The following COL27A1 variants were observed in gnomAD, a reference collection of about 807,000 sequenced individuals.
The protein encoded by COL27A1 is collagen alpha-1(XXVII) chain.
COL27A1 carries 106 observed loss-of-function variants against 251.3 expected under a neutral mutation model. That is an observed-to-expected ratio of 0.42 (90% confidence interval 0.36 to 0.50). The LOEUF (loss-of-function observed/expected upper bound fraction) is 0.50, where lower values mean the gene tolerates loss of function less well. COL27A1 is among the 20% of genes least tolerant of loss of function. COL27A1 has a pLI of 0.00. For missense variants in COL27A1, 2,325 were observed against 2,522.8 expected (o/e 0.92, Z 1.68); for synonymous variants, 1,000 against 986.3 (o/e 1.01, Z -0.26).
chr9:114,282,058 G>A (rs780130202), intron 37 of COL27A1, among the ~76,000 whole-genome samples: 1 of 152,254 alleles, frequency 6.6e-6, no homozygotes, highest in African/African-American at 2.4e-5. Context: ...TCGCCAGGTC[G>A]AATCCCTAAG....
At chr9:114,203,880 G>A (rs1189239598) in intron 7 of COL27A1, among the ~76,000 whole-genome samples, 1 of 152,138 alleles carries the variant, frequency 6.6e-6, no homozygotes, top group Non-Finnish European at 1.5e-5. Flanking sequence ...TGTTAGCAAT[G>A]GGACTCAGAG....
intron 25 of COL27A1, among the ~76,000 whole-genome samples, chr9:114,252,112 G>A (rs1262304017): frequency 2.0e-5 from 3 of 152,230 alleles, no homozygotes; most frequent in African/African-American, 7.2e-5. Context: ...TCTGCCCAGT[G>A]TGTCTGGATT....
At chr9:114,180,657 G>A (rs1007586041) in intron 4 of COL27A1, among the ~76,000 whole-genome samples, 1 of 152,148 alleles carries the variant, frequency 6.6e-6, no homozygotes, top group African/African-American at 2.4e-5. Context: ...GTCGCCCAAA[G>A]CTCTCTGTCT....
At chr9:114,281,920 G>C (rs1250435962) in intron 37 of COL27A1, among the ~76,000 whole-genome samples, 1 of 152,220 alleles carries the variant, frequency 6.6e-6, no homozygotes, top group Non-Finnish European at 1.5e-5. Flanking sequence ...TCAGTGCAGA[G>C]AGTTGCTCCC....
chr9:114,185,285 G>C (rs891941714), intron 5 of COL27A1, among the ~76,000 whole-genome samples: 1 of 152,178 alleles, frequency 6.6e-6, no homozygotes, highest in African/African-American at 2.4e-5. Context: ...ATAAGGATGT[G>C]GGTTCTATAA....
intron 1 of COL27A1, among the ~76,000 whole-genome samples, chr9:114,157,547 G>T (rs1437981643): frequency 6.6e-6 from 1 of 152,242 alleles, no homozygotes; most frequent in African/African-American, 2.4e-5. Flanking sequence ...CCTCCTGGTG[G>T]TCTCTGTCCC....
At chr9:114,259,097 G>A (rs1188078297) in intron 28 of COL27A1, among the ~76,000 whole-genome samples, 2 of 152,356 alleles carry the variant, frequency 1.3e-5, no homozygotes, top group East Asian at 1.9e-4. Flanking sequence ...TACTAAGGAA[G>A]GACTTTAGGA....
chr9:114,204,965 C>A (rs1829844118), intron 7 of COL27A1, 137 bp from the exon 8 acceptor site: 3 of 709,104 alleles, frequency 4.2e-6, no homozygotes, highest in Non-Finnish European at 7.3e-6. Flanking sequence ...ATCTGGGGAA[C>A]CTTTACTGAG....
intron 49 of COL27A1, among the ~76,000 whole-genome samples, chr9:114,292,571 A>G (rs148356315): frequency 7.2e-5 from 11 of 152,330 alleles, no homozygotes; most frequent in Non-Finnish European, 1.5e-4. Flanking sequence ...GCCTGGAAAA[A>G]GAAGGAAGAA....
At chr9:114,302,150 C>G in intron 56 of COL27A1, 42 bp downstream of exon 56, 1 of 1,569,256 alleles carries the variant, frequency 6.4e-7, no homozygotes, top group East Asian at 2.2e-5. Flanking sequence ...GGGGTAAGGC[C>G]TGAGGGGTTT....
chr9:114,167,249 A>C (rs567755273), intron 2 of COL27A1, among the ~76,000 whole-genome samples: 1 of 152,274 alleles, frequency 6.6e-6, no homozygotes, highest in East Asian at 1.9e-4. Context: ...TATTTTTAGT[A>C]TTAGTTATTA....
At chr9:114,281,038 AT>A (rs1835868814) in intron 37 of COL27A1, among the ~76,000 whole-genome samples, 1 of 152,126 alleles carries the variant, frequency 6.6e-6, no homozygotes, top group Admixed American at 6.5e-5. Flanking sequence ...TTCTATCACA[AT>A]TAGTCAGTGC....
upstream of COL27A1, among the ~76,000 whole-genome samples, chr9:114,155,325 C>T (rs1270956803): frequency 1.3e-5 from 2 of 152,084 alleles, no homozygotes; most frequent in Non-Finnish European, 2.9e-5. The surrounding 1 kb of genome is among the most constrained non-coding windows in gnomAD (Gnocchi z 5.5). Context: ...GCAGCCCCTT[C>T]CTCTCTGTGA....
Position 114,302,089 on chromosome 9 carries a change from C to T in COL27A1, c.4853C>T (p.Pro1618Leu). ...CGCAGTCTTCTTTTGCAGGGTCCTC[C>T]AGGGGGTCCTATCCAATTGGTAAGT... is the stretch of plus-strand genomic sequence containing the variant. The part of the protein sequence containing the change: ...PRGRPGPPGP[P>L]GGPIQLQQDD... The change falls in exon 56 of 61, where the codon CCA (proline) becomes CTA (leucine). Residue 1618 changes from proline to leucine, a missense_variant. Pro to Leu is a moderately conservative substitution (Grantham distance 98). Around this residue, in one of 4 missense-constraint regions of COL27A1, gnomAD observed 327 missense variants for 442.8 expected, o/e 0.74. Transcript: ENST00000356083. 1.2e-6 allele frequency: 2 copies of T among 1,612,844 alleles called. No homozygotes were observed. Among genetic ancestry groups the T allele is most frequent in the African/African-American group, 1.3e-5 (1 of 75,034 alleles).
chr9:114,186,021 G>A (rs1828312081), intron 5 of COL27A1, among the ~76,000 whole-genome samples: 1 of 152,198 alleles, frequency 6.6e-6, no homozygotes, highest in Non-Finnish European at 1.5e-5. Context: ...GAGGCCAAGG[G>A]ACCTTGCCTA....
At chr9:114,188,638 A>G (rs1418967150) in intron 5 of COL27A1, among the ~76,000 whole-genome samples, 1 of 152,198 alleles carries the variant, frequency 6.6e-6, no homozygotes, top group Non-Finnish European at 1.5e-5. Flanking sequence ...ATACACAGGC[A>G]TACATACACA....
chr9:114,219,202 G>C (rs1212940312), intron 12 of COL27A1, among the ~76,000 whole-genome samples: 1 of 152,192 alleles, frequency 6.6e-6, no homozygotes, highest in Non-Finnish European at 1.5e-5. Flanking sequence ...ACCTGCCTGG[G>C]CCGGGCAGCT....
intron 56 of COL27A1, among the ~76,000 whole-genome samples, chr9:114,303,555 G>A (rs1438615121): frequency 6.6e-6 from 1 of 152,084 alleles, no homozygotes; most frequent in Non-Finnish European, 1.5e-5. Context: ...TGCTTTTCAT[G>A]TATTCACTCA....
chr9:114,162,709 C>A lies in COL27A1; in HGVS notation c.63-6C>A. Reference sequence around the variant, plus strand: ...GCCGCCTCTGCTTGTGTCTCCTGGTCTCTAGGGGGTTTCTCTTCTCCTGGA... The same window carrying A: ...GCCGCCTCTGCTTGTGTCTCCTGGTATCTAGGGGGTTTCTCTTCTCCTGGA... On this transcript the variant is annotated splice_region_variant and splice_polypyrimidine_tract_variant and intron_variant, in intron 1 of 60. Transcript: ENST00000356083. The A allele has an allele frequency of 2.5e-6, 4 of 1,610,716 alleles. No homozygotes were observed. Among genetic ancestry groups the A allele is most frequent in the Non-Finnish European group, 3.4e-6 (4 of 1,177,970 alleles).
Sources: gnomAD v4.1 joint callset for allele counts (sites outside exome capture counted in the v4.1 genomes callset) on GRCh38, gnomAD v4.1.1 for gene constraint, gnomAD v4.1.1 regional missense constraint, Gnocchi (gnomAD v3.1) non-coding constraint, MANE v1.5 for transcripts, NCBI Gene and HGNC (gene_info 2026-07-23, HGNC 2026-07-21) for gene names.